The following BOC variants were observed in gnomAD, a reference collection of about 807,000 sequenced individuals.
BOC encodes the protein brother of CDO.
Under a neutral mutation model 112.0 loss-of-function variants are expected in BOC, and 76 were observed. The observed-to-expected ratio is 0.68, with a 90% CI of 0.56 to 0.82. The LOEUF (loss-of-function observed/expected upper bound fraction) is 0.82, where lower values mean the gene tolerates loss of function less well. BOC is among the 40% of genes least tolerant of loss of function. The probability of loss-of-function intolerance (pLI) is 0.00; values close to 1 mark genes in which losing one functional copy is unlikely to be tolerated. For synonymous variants in BOC, 580 were observed against 599.8 expected, an observed-to-expected ratio of 0.97 and a Z score of 0.48; for missense variants, 1,309 against 1,511.7, an observed-to-expected ratio of 0.87 and a Z score of 2.22.
chr3:113,213,967 G>A (rs1938787915), intron 1 of BOC, among the ~76,000 whole-genome samples: 1 of 152,194 alleles, frequency 6.6e-6, no homozygotes, highest in South Asian at 2.1e-4. Context: ...TGAGGATTGA[G>A]ACCTCAGACA....
chr3:113,250,563 C>T lies in BOC; in HGVS notation c.106C>T (p.Pro36Ser), dbSNP rs772782131. Residue 36 changes from proline (P) to serine (S), a missense_variant, in exon 4 of 20, where the codon CCT becomes TCT. Pro to Ser is a moderately conservative substitution (Grantham distance 74). Transcript: ENST00000682979. ...AGCFADLNEV[P>S]QVTVQPASTV... is the part of the protein sequence containing the mutation. Reference sequence around the variant, plus strand: ...CCCTGTTCTTCCTCCAGACGAGGTCCCTCAGGTCACCGTCCAGCCTGCGTC... The same window carrying T: ...CCCTGTTCTTCCTCCAGACGAGGTCTCTCAGGTCACCGTCCAGCCTGCGTC... 23 of 1,611,114 alleles carry T rather than the reference C, an allele frequency of 1.4e-5. No homozygotes were observed. Among genetic ancestry groups the T allele is most frequent in the East Asian group, 4.5e-5 (2 of 44,874 alleles).
intron 4 of BOC, among the ~76,000 whole-genome samples, chr3:113,263,192 G>A (rs553198578): frequency 2.0e-5 from 3 of 152,334 alleles, no homozygotes; most frequent in African/African-American, 7.2e-5. Context: ...AAACCTGCCA[G>A]TGGCCCTGAG....
At chr3:113,223,510 G>A (rs901224201) in intron 2 of BOC, among the ~76,000 whole-genome samples, 6 of 152,072 alleles carry the variant, frequency 3.9e-5, no homozygotes, top group African/African-American at 1.2e-4. Context: ...ACATTTACTG[G>A]GTTTGACAAA....
At chr3:113,279,198 C>T (rs1576496570) in intron 11 of BOC, 51 bp from the exon 12 acceptor site, 7 of 1,575,482 alleles carry the variant, frequency 4.4e-6, no homozygotes, top group East Asian at 4.5e-5. Context: ...TGCTTCCTTC[C>T]TCACGTCATC....
rs80304029 is a variant in BOC at position 113,279,882 on chromosome 3, C to T, written c.2082C>T (p.Ser694=). 5.9e-5 allele frequency: 95 copies of T among 1,613,692 alleles called. No homozygotes were observed. In the African/African-American group the frequency reaches 8.1e-4, roughly 14 times the overall value. ...ACATGCTGGGGGAGAGCGAGCCCAG[C>T]GCCCCCTCTCGGCCCTACGTGGTGT... The part of the protein sequence containing the change: ...ALNMLGESEP[S]APSRPYVVSG... Residue 694 remains serine (S), a synonymous_variant, in exon 13 of 20, where the codon AGC becomes AGT. Transcript: ENST00000682979.
chr3:113,213,480 A>G (rs1005379292), intron 1 of BOC, among the ~76,000 whole-genome samples: 5 of 152,220 alleles, frequency 3.3e-5, no homozygotes, highest in African/African-American at 1.2e-4. Flanking sequence ...CTTTGGTTAC[A>G]GCCAATAAAT....
At chr3:113,271,284 C>T (rs1432450725) in intron 6 of BOC, 1 of 497,794 alleles carries the variant, frequency 2.0e-6, no homozygotes, top group Admixed American at 2.3e-5. Flanking sequence ...GCAGCGGACA[C>T]AGCATGTGCC....
intron 7 of BOC, 73 bp from the exon 8 acceptor site, chr3:113,272,996 C>T: frequency 2.0e-6 from 3 of 1,521,078 alleles, no homozygotes; most frequent in Non-Finnish European, 2.7e-6. Context: ...CTCCTAACTA[C>T]ATCCCTCCCA....
intron 2 of BOC, among the ~76,000 whole-genome samples, chr3:113,246,687 G>C (rs538073756): frequency 7.0e-6 from 1 of 143,486 alleles, no homozygotes; most frequent in Non-Finnish European, 1.5e-5. Context: ...CCCAAACATA[G>C]CCATATTTTT....
chr3:113,279,526 C>A, intron 12 of BOC, 71 bp downstream of exon 12: 2 of 1,454,310 alleles, frequency 1.4e-6, no homozygotes, highest in Non-Finnish European at 1.9e-6. Context: ...AGGAGGATGA[C>A]GAGCCTGGGA....
At chr3:113,254,428 G>T (rs1490987314) in intron 4 of BOC, among the ~76,000 whole-genome samples, 1 of 152,200 alleles carries the variant, frequency 6.6e-6, no homozygotes, top group African/African-American at 2.4e-5. Context: ...GCAAGTGAAA[G>T]GGGTGCTGTC....
intron 16 of BOC, 46 bp from the exon 17 acceptor site, chr3:113,284,289 C>A: frequency 6.5e-7 from 1 of 1,543,282 alleles, no homozygotes; most frequent in Non-Finnish European, 9.0e-7. Flanking sequence ...CAACCCATCC[C>A]GGGCTACCTT....
chr3:113,250,521 TC>T lies in BOC; in HGVS notation c.98-33del, dbSNP rs764251057. 62 of 1,564,296 alleles carry T rather than the reference TC, an allele frequency of 4.0e-5. 1 individual carries two copies. The highest frequency in any genetic ancestry group is 5.4e-5 in the Non-Finnish European group (62 of 1,155,916). The stretch of plus-strand genomic sequence containing the variant: ...ACGTGATGTTGTTTTCTTGGGGGCA[TC>T]AGTTCATTGCTGCATCCCTGTTCTT... On this transcript the variant is annotated intron_variant, in intron 3 of 19. Coordinates refer to ENST00000682979, the MANE Select transcript of BOC (RefSeq NM_001378074.1).
chr3:113,280,760 C>T, intron 14 of BOC, 97 bp downstream of exon 14: 1 of 1,079,906 alleles, frequency 9.3e-7, no homozygotes, highest in Non-Finnish European at 1.4e-6. Context: ...AAGCATAAAC[C>T]TGCATCTGGT....
chr3:113,227,192 A>G (rs1255905256), intron 2 of BOC, among the ~76,000 whole-genome samples: 1 of 152,154 alleles, frequency 6.6e-6, no homozygotes, highest in Non-Finnish European at 1.5e-5. Context: ...CTATTTGAAG[A>G]GTTTTGTCAA....
At chr3:113,267,693 C>T (rs1452903612) in intron 4 of BOC, among the ~76,000 whole-genome samples, 2 of 152,220 alleles carry the variant, frequency 1.3e-5, no homozygotes, top group Non-Finnish European at 2.9e-5. Context: ...AGGCCTGTTA[C>T]TTGTCATCGT....
intron 4 of BOC, among the ~76,000 whole-genome samples, chr3:113,266,247 T>C (rs1211555373): frequency 6.6e-6 from 1 of 152,182 alleles, no homozygotes. Flanking sequence ...AGTATGTGTG[T>C]ATATTTATCA....
At chr3:113,268,268 C>T (rs1360610145) in intron 4 of BOC, 31 bp from the exon 5 acceptor site, 16 of 1,613,050 alleles carry the variant, frequency 9.9e-6, no homozygotes, top group Admixed American at 1.7e-5. Flanking sequence ...CTCTGCTGTC[C>T]TCCAACCAGC....
intron 2 of BOC, among the ~76,000 whole-genome samples, chr3:113,234,679 CG>C (rs1943182163): frequency 1.3e-5 from 2 of 152,292 alleles, no homozygotes; most frequent in Admixed American, 1.3e-4. Flanking sequence ...CACTGAATTG[CG>C]CCCAGTGCCC....
Sources: allele counts gnomAD v4.1 joint callset (sites outside exome capture counted in the v4.1 genomes callset), GRCh38; gene constraint gnomAD v4.1.1; transcripts MANE v1.5; gene names NCBI Gene and HGNC (gene_info 2026-07-23, HGNC 2026-07-21).